Variants in PASD1 observed in about 807,000 individuals in gnomAD.
PASD1 encodes circadian clock protein PASD1.
PASD1 carries 13 observed loss-of-function variants against 58.8 expected under a neutral mutation model. That is an observed-to-expected ratio of 0.22 (90% CI 0.14 to 0.35). PASD1 has a LOEUF of 0.35. PASD1 is among the 10% of genes least tolerant of loss of function. The pLI is 1.00. For synonymous variants in PASD1, 236 were observed against 216.7 expected, an observed-to-expected ratio of 1.09 and a Z score of -0.78; for missense variants, 734 against 568.3, an observed-to-expected ratio of 1.29 and a Z score of -2.96.
chrX:151,624,193 G>T (rs1038468322), intron 7 of PASD1, among the ~76,000 whole-genome samples: 1 of 111,509 alleles, frequency 9.0e-6, no homozygotes, highest in Non-Finnish European at 1.9e-5. Context: ...ATGTATTTTG[G>T]AGGTAGTGCC....
At position 151,671,059 on chromosome X, in the gene PASD1, G is replaced by T; in HGVS notation, c.1093G>T (p.Val365Phe). Residue 365 changes from valine to phenylalanine, a missense_variant, in exon 12 of 16, where the codon GTT becomes TTT. Transcript: ENST00000370357. ...ACAGCCATTACAGCCATCATCACCA[G>T]TTGCATATGACATCATTAGCCAGGA... The part of the protein sequence containing the change: ...SAQPLQPSSP[V>F]AYDIISQELE... 2 of 1,211,033 alleles carry T rather than the reference G, an allele frequency of 1.7e-6. No homozygotes were observed. Among genetic ancestry groups the T allele is most frequent in the Non-Finnish European group, 2.2e-6 (2 of 895,139 alleles).
chrX:151,651,612 G>A (rs746073879), intron 9 of PASD1, among the ~76,000 whole-genome samples: 2 of 112,141 alleles, frequency 1.8e-5, no homozygotes, highest in African/African-American at 6.5e-5. Flanking sequence ...ACCTACTATG[G>A]TAGGCATTTA....
intron 1 of PASD1, among the ~76,000 whole-genome samples, chrX:151,600,041 T>C (rs1287987506): frequency 8.9e-6 from 1 of 112,105 alleles, no homozygotes; most frequent in Non-Finnish European, 1.9e-5. Flanking sequence ...GGCTGGCAGA[T>C]CACTCGCGGT....
intron 1 of PASD1, among the ~76,000 whole-genome samples, chrX:151,601,300 T>C (rs954452154): frequency 2.7e-4 from 30 of 112,557 alleles, no homozygotes; most frequent in Admixed American, 2.8e-4. Flanking sequence ...TTTGTAATGT[T>C]ATTATCAAAA....
rs749552455 is a variant in PASD1 at position 151,652,404 on chromosome X, A to T, written c.717+3702A>T. ...AAAAATTAGCCAGGCGTGGTGGCAC[A>T]CGCCTGTAGTCCCAGCTACTCAGGA... On this transcript the variant is annotated intron_variant, in intron 9 of 15. Coordinates refer to ENST00000370357, the MANE Select transcript of PASD1 (RefSeq NM_173493.3). 1.6e-4 allele frequency among the ~76,000 whole-genome samples: 18 copies of T among 110,038 alleles called. No individual in the cohort carries two copies. In the South Asian group the frequency reaches 6.7e-3, roughly 41 times the overall value.
At chrX:151,568,266 C>T (rs942466829) in intron 1 of PASD1, among the ~76,000 whole-genome samples, 11 of 111,626 alleles carry the variant, frequency 9.9e-5, no homozygotes, top group African/African-American at 2.9e-4. Flanking sequence ...GCTAATGTCC[C>T]AGTAGGGTAG....
Position 151,621,598 on chromosome X carries a change from C to T in PASD1, c.418+6C>T. The T allele has an allele frequency of 1.8e-6, 2 of 1,134,626 alleles. No homozygotes were observed. Among genetic ancestry groups the T allele is most frequent in the East Asian group, 3.0e-5 (1 of 33,026 alleles). The allele number at this position is 1,134,626 out of a possible 1,213,427, so 93.5% of individuals were successfully genotyped here. A position where few individuals can be genotyped will look rare whatever the true frequency, so the allele number is the denominator to read the frequency against. On this transcript the variant is annotated splice_donor_region_variant and intron_variant, in intron 6 of 15. Transcript: ENST00000370357. ...TGTAAGAGATATTTGTAATGGTAAG[C>T]AGTTCTGTTTATCTTATCTATATGA...
intron 1 of PASD1, among the ~76,000 whole-genome samples, chrX:151,576,741 A>G (rs894281601): frequency 8.9e-6 from 1 of 112,102 alleles, no homozygotes; most frequent in Non-Finnish European, 1.9e-5. Context: ...AACAGAAATG[A>G]ACTTTAATGT....
chrX:151,618,036 G>C (rs2013659312), intron 4 of PASD1, among the ~76,000 whole-genome samples: 1 of 111,762 alleles, frequency 8.9e-6, no homozygotes, highest in Non-Finnish European at 1.9e-5. Flanking sequence ...ACCAACAAAA[G>C]TGTTTTTATT....
At chrX:151,580,806 A>G (rs2013078686) in intron 1 of PASD1, among the ~76,000 whole-genome samples, 2 of 110,774 alleles carry the variant, frequency 1.8e-5, no homozygotes, top group South Asian at 7.7e-4. Flanking sequence ...CATATATATC[A>G]AGGTAGTGAG....
At chrX:151,670,150 G>C (rs2014445842) in intron 11 of PASD1, among the ~76,000 whole-genome samples, 1 of 111,596 alleles carries the variant, frequency 9.0e-6, no homozygotes, top group African/African-American at 3.3e-5. Flanking sequence ...TACTCCCACA[G>C]CCTTCTAATT....
At chrX:151,616,390 G>A (rs1036728752) in intron 4 of PASD1, among the ~76,000 whole-genome samples, 2 of 110,775 alleles carry the variant, frequency 1.8e-5, no homozygotes, top group African/African-American at 3.3e-5. Context: ...TCCAAGTTAT[G>A]CTGTTACAAC....
chrX:151,664,015 A>C, intron 10 of PASD1, 104 bp from the exon 11 acceptor site: 1 of 1,106,972 alleles, frequency 9.0e-7, no homozygotes, highest in Non-Finnish European at 1.2e-6. Context: ...CACCTGGCAC[A>C]TCTCATCCTT....
chrX:151,627,907 T>A (rs1313111883), intron 8 of PASD1, among the ~76,000 whole-genome samples: 62 of 111,989 alleles, frequency 5.5e-4, no homozygotes, highest in African/African-American at 1.8e-3. Context: ...CTAACTGGTG[T>A]GAGATGGTAT....
rs2014352926 is a variant in PASD1, at chrX:151,664,366, C to T, written c.1071+18C>T. 1 of 1,207,549 alleles carries T rather than the reference C, an allele frequency of 8.3e-7. No homozygotes were observed. The highest frequency in any genetic ancestry group is 2.2e-5 in the Admixed American group (1 of 45,719). ...GTGCTCAGGTACTCTGAAAGTCTCGCTTCACTCGCTTCACGTTTGTCTGGA... is the reference window on the plus strand; with the variant it reads ...GTGCTCAGGTACTCTGAAAGTCTCGTTTCACTCGCTTCACGTTTGTCTGGA... On this transcript the variant is annotated intron_variant, in intron 11 of 15. Transcript: ENST00000370357.
At chrX:151,644,723 TC>T (rs1339079886) in intron 8 of PASD1, among the ~76,000 whole-genome samples, 2 of 107,647 alleles carry the variant, frequency 1.9e-5, no homozygotes, top group African/African-American at 7.2e-5. Context: ...ACGTAATTTT[TC>T]TTTTTTTTTT....
intron 3 of PASD1, among the ~76,000 whole-genome samples, chrX:151,609,006 A>G (rs1386284549): frequency 1.8e-5 from 2 of 111,490 alleles, no homozygotes; most frequent in African/African-American, 6.5e-5. Context: ...GACTTTTAAC[A>G]TTCTTGATTC....
At chrX:151,631,804 G>A (rs2013871648) in intron 8 of PASD1, among the ~76,000 whole-genome samples, 1 of 111,714 alleles carries the variant, frequency 9.0e-6, no homozygotes, top group Non-Finnish European at 1.9e-5. Context: ...TTGTTGTACC[G>A]AGTCTTTTTA....
rs780968876 is a variant in PASD1, at chrX:151,629,154, C to G, written c.629+3624C>G. Among the ~76,000 whole-genome samples, 332 of 111,539 alleles carry G rather than the reference C, an allele frequency of 3.0e-3. 3 individuals are homozygous for G. Among genetic ancestry groups the G allele is most frequent in the Non-Finnish European group, 5.3e-3 (282 of 53,129 alleles). ...TTATTTTTTGAGATGGAGTCTCACT[C>G]TGTCGCCCAGGCTGGAATGCAGTGG... On this transcript the variant is annotated intron_variant, in intron 8 of 15. Transcript: ENST00000370357.
Sources: gnomAD v4.1 joint callset for allele counts (sites outside exome capture counted in the v4.1 genomes callset) on GRCh38, gnomAD v4.1.1 for gene constraint, MANE v1.5 for transcripts, NCBI Gene and HGNC (gene_info 2026-07-23, HGNC 2026-07-21) for gene names.